The following DLG1 variants were observed in gnomAD, a reference collection of about 807,000 sequenced individuals.
DLG1 encodes the protein disks large homolog 1.
A neutral mutation model predicts 123.4 loss-of-function variants in DLG1; 42 were observed. The ratio of observed to expected loss-of-function variants is 0.34; its 90% CI spans 0.27 to 0.44. The LOEUF (loss-of-function observed/expected upper bound fraction) is 0.44. Ranked by LOEUF, DLG1 falls within the 20% of genes least tolerant of loss-of-function variation. The pLI is 1.00. For synonymous variants in DLG1, 317 were observed against 356.2 expected, an observed-to-expected ratio of 0.89 and a Z score of 1.24; for missense variants, 942 against 1,082.6, an observed-to-expected ratio of 0.87 and a Z score of 1.82.
At chr3:197,107,634 T>A (rs1443865117) in intron 13 of DLG1, among the ~76,000 whole-genome samples, 2 of 152,104 alleles carry the variant, frequency 1.3e-5, no homozygotes, top group African/African-American at 4.8e-5. Flanking sequence ...TTAAGTATTT[T>A]ATTCTTTTTG....
chr3:197,086,746 TAAAC>T (rs986986288), intron 15 of DLG1, among the ~76,000 whole-genome samples: 4 of 152,096 alleles, frequency 2.6e-5, no homozygotes, highest in Non-Finnish European at 5.9e-5. Context: ...AGGGCTCACT[TAAAC>T]ATACATTCAA....
At chr3:197,062,103 T>C (rs868431539) in intron 22 of DLG1, among the ~76,000 whole-genome samples, 9 of 152,208 alleles carry the variant, frequency 5.9e-5, no homozygotes, top group African/African-American at 2.2e-4. Flanking sequence ...ATGCTCCTTA[T>C]GATGGGAGTT....
intron 4 of DLG1, among the ~76,000 whole-genome samples, chr3:197,274,966 C>T (rs1028836620): frequency 1.3e-5 from 2 of 152,146 alleles, no homozygotes; most frequent in African/African-American, 2.4e-5. Flanking sequence ...AGGCAGATCA[C>T]GAGGTCAGGA....
In DLG1 at chr3:197,116,078, G is replaced by C. The variant is rs772348654; in HGVS notation, c.1292C>G (p.Pro431Arg). 10 of 1,586,928 alleles carry C rather than the reference G, an allele frequency of 6.3e-6. No individual in the cohort carries two copies. The South Asian group carries it at 1.1e-4, about 17-fold the overall frequency. ...GCCACGATGAAGAACAACTTTTCTA[G>C]GTTCCCTAAAAATTAAAAAAAATTG... Reference protein sequence around the residue: ...VLGDDEITREPRKVVLHRGST... With the variant: ...VLGDDEITRERRKVVLHRGST... The change falls in exon 13 of 25, where the codon CCT (proline) becomes CGT (arginine). Residue 431 changes from proline (P) to arginine (R), a missense_variant. Physicochemically the swap from Pro to Arg is moderately radical, Grantham distance 103. Coordinates refer to ENST00000667157, the MANE Select transcript of DLG1 (RefSeq NM_001366207.1).
chr3:197,055,839 T>C (rs917308273), intron 23 of DLG1, among the ~76,000 whole-genome samples: 1 of 152,182 alleles, frequency 6.6e-6, no homozygotes, highest in Non-Finnish European at 1.5e-5. Flanking sequence ...TGGAGGGGCT[T>C]GTAACAGTGG....
rs148586949 is a variant in DLG1 at position 197,114,549 on chromosome 3, G to A, written c.1443+1378C>T. 3.0e-3 allele frequency among the ~76,000 whole-genome samples: 457 copies of A among 152,308 alleles called. 1 individual carries two copies. The highest frequency in any genetic ancestry group is 0.01 in the African/African-American group (434 of 41,570). On this transcript the variant is annotated intron_variant, in intron 13 of 24. Transcript: ENST00000667157. Reference sequence around the variant, plus strand: ...TTCAGATAAAGTCTAGAATATTTACGATTAAGGAACCATTGCTGAAAGCAC... The same window carrying A: ...TTCAGATAAAGTCTAGAATATTTACAATTAAGGAACCATTGCTGAAAGCAC...
chr3:197,138,246 T>C lies in DLG1; in HGVS notation c.859A>G (p.Ile287Val), dbSNP rs1337187142. ...CCTTTAGGACCTTTAATGAGCTTTATTTCCATTATTTTTTCTGACACTGGT... is the reference window on the plus strand; with the variant it reads ...CCTTTAGGACCTTTAATGAGCTTTACTTCCATTATTTTTTCTGACACTGGT... ...RKPVSEKIMEIKLIKGPKGLG... is the reference protein window; with the variant it reads ...RKPVSEKIMEVKLIKGPKGLG... Residue 287 changes from isoleucine (I) to valine (V), a missense_variant, in exon 9 of 25, where the codon ATA becomes GTA. Ile to Val is a conservative substitution (Grantham distance 29). Coordinates refer to ENST00000667157, the MANE Select transcript of DLG1 (RefSeq NM_001366207.1). 6.2e-7 allele frequency: 1 copy of C among 1,601,272 alleles called. No homozygotes were observed. The highest frequency in any genetic ancestry group is 1.7e-5 in the Admixed American group (1 of 59,176).
At chr3:197,276,221 T>A (rs1356345125) in intron 4 of DLG1, among the ~76,000 whole-genome samples, 1 of 152,226 alleles carries the variant, frequency 6.6e-6, no homozygotes, top group Non-Finnish European at 1.5e-5. Flanking sequence ...AATGTGTTTA[T>A]CCGATCTCTT....
At chr3:197,147,086 A>G (rs964004152) in intron 6 of DLG1, among the ~76,000 whole-genome samples, 2 of 152,174 alleles carry the variant, frequency 1.3e-5, no homozygotes, top group African/African-American at 2.4e-5. Flanking sequence ...CAAAACCACA[A>G]TGTGATATTA....
At chr3:197,148,243 T>TAAAAAAAAAAAAAA (rs1791963536) in intron 6 of DLG1, among the ~76,000 whole-genome samples, 12 of 1,454 alleles carry the variant, frequency 8.3e-3, no homozygotes, top group Non-Finnish European at 0.013. Context: ...CTACCAAAAA[T>TAAAAAAAAAAAAAA]ACAAAAAAAA....
At chr3:197,140,000 G>T in intron 8 of DLG1, 140 bp downstream of exon 8, 1 of 813,084 alleles carries the variant, frequency 1.2e-6, no homozygotes, top group Non-Finnish European at 1.8e-6. Context: ...CTCATTCATT[G>T]ACTTGAATGT....
intron 23 of DLG1, among the ~76,000 whole-genome samples, chr3:197,052,630 A>G (rs924745046): frequency 6.6e-6 from 1 of 152,140 alleles, no homozygotes; most frequent in Non-Finnish European, 1.5e-5. Flanking sequence ...CTTTGATGAA[A>G]ATTTCATATT....
intron 4 of DLG1, among the ~76,000 whole-genome samples, chr3:197,282,359 C>T (rs1218713396): frequency 6.6e-6 from 1 of 152,186 alleles, no homozygotes; most frequent in Non-Finnish European, 1.5e-5. Flanking sequence ...GCAAAACCAT[C>T]TTTTCAAAGT....
intron 4 of DLG1, among the ~76,000 whole-genome samples, chr3:197,251,127 T>C (rs939527296): frequency 6.6e-6 from 1 of 151,552 alleles, no homozygotes; most frequent in Non-Finnish European, 1.5e-5. Context: ...GGCTCATGCC[T>C]GTAACCCCAG....
At chr3:197,297,843 C>T in intron 1 of DLG1, 2 of 985,302 alleles carry the variant, frequency 2.0e-6, no homozygotes, top group African/African-American at 3.5e-5. Context: ...GGGTGCGCCC[C>T]GGCCAGACTC....
At chr3:197,192,483 T>C (rs1290168295) in intron 5 of DLG1, among the ~76,000 whole-genome samples, 1 of 151,390 alleles carries the variant, frequency 6.6e-6, no homozygotes, top group Non-Finnish European at 1.5e-5. Context: ...AAAATAATAA[T>C]GATAAAAAGA....
chr3:197,158,542 G>A (rs1039903390), intron 5 of DLG1, among the ~76,000 whole-genome samples: 9 of 149,494 alleles, frequency 6.0e-5, no homozygotes, highest in South Asian at 2.1e-4. Context: ...GCTGAGGCAG[G>A]AGAATCACCT....
intron 15 of DLG1, among the ~76,000 whole-genome samples, chr3:197,086,244 T>TA (rs1172609798): frequency 2.0e-5 from 3 of 152,212 alleles, no homozygotes; most frequent in South Asian, 2.1e-4. Context: ...CTAGAGTTGA[T>TA]AGAGTTTTCA....
chr3:197,276,566 A>C (rs547795683), intron 4 of DLG1, among the ~76,000 whole-genome samples: 1 of 152,160 alleles, frequency 6.6e-6, no homozygotes, highest in South Asian at 2.1e-4. Context: ...AAACTACAAT[A>C]CTCACACTGT....
Sources: gnomAD v4.1 joint callset for allele counts (sites outside exome capture counted in the v4.1 genomes callset) on GRCh38, gnomAD v4.1.1 for gene constraint, MANE v1.5 for transcripts, NCBI Gene and HGNC (gene_info 2026-07-23, HGNC 2026-07-21) for gene names.